Variants in ABHD2 observed in about 807,000 individuals in gnomAD.
ABHD2 encodes the protein abhydrolase domain containing 2, acylglycerol lipase, also known as monoacylglycerol lipase ABHD2.
ABHD2 carries 20 observed loss-of-function variants against 48.1 expected under a neutral mutation model. The observed-to-expected ratio is 0.42, with a 90% CI of 0.29 to 0.60. The LOEUF (loss-of-function observed/expected upper bound fraction) is 0.60, where lower values mean the gene tolerates loss of function less well. ABHD2 is among the 20% of genes least tolerant of loss of function. The pLI is 0.24. For missense variants in ABHD2, 405 were observed against 550.9 expected, an observed-to-expected ratio of 0.74 and a Z score of 2.65; for synonymous variants, 209 against 214.2, an observed-to-expected ratio of 0.98 and a Z score of 0.21.
chr15:89,192,559 G>C (rs2051325196), intron 9 of ABHD2, among the ~76,000 whole-genome samples: 1 of 150,832 alleles, frequency 6.6e-6, no homozygotes, highest in Non-Finnish European at 1.5e-5. Flanking sequence ...TCCCAGGCTA[G>C]AGTGCGGTGG....
intron 5 of ABHD2, among the ~76,000 whole-genome samples, chr15:89,163,825 T>C (rs577362258): frequency 6.6e-5 from 10 of 152,332 alleles, no homozygotes; most frequent in Non-Finnish European, 1.0e-4. Flanking sequence ...ACACCCCTTT[T>C]ACAGGTGAGG....
intron 3 of ABHD2, chr15:89,135,960 TTTG>T: frequency 2.5e-6 from 1 of 404,496 alleles, no homozygotes; most frequent in Non-Finnish European, 4.6e-6. Context: ...GAGTTTCCCT[TTTG>T]TTGCCCAGGC....
At chr15:89,119,417 G>A (rs1336036384) in intron 3 of ABHD2, among the ~76,000 whole-genome samples, 2 of 152,172 alleles carry the variant, frequency 1.3e-5, no homozygotes, top group African/African-American at 4.8e-5. Flanking sequence ...CTGTGTTCAT[G>A]TCTCATATCA....
In ABHD2 at chr15:89,200,066, C is replaced by T. The variant is rs1217701950; in HGVS notation, c.*4643C>T. 6.6e-6 allele frequency: 1 copy of T among 152,250 alleles called. No homozygotes were observed. The highest frequency in any genetic ancestry group is 2.4e-5 in the African/African-American group (1 of 41,420). The allele number at this position is 152,250 out of a possible 1,614,324, so 9.4% of individuals were successfully genotyped here. A position where few individuals can be genotyped will look rare whatever the true frequency, so the allele number is the denominator to read the frequency against. On this transcript the variant is annotated 3_prime_UTR_variant, in exon 11 of 11. Transcript: ENST00000352732. ...GCTGCTCCTTTTGGAAGAGTCAGTCCCCTGTGTTTTCTGAACTGTTTTTCC... is the reference window on the plus strand; with the variant it reads ...GCTGCTCCTTTTGGAAGAGTCAGTCTCCTGTGTTTTCTGAACTGTTTTTCC...
chr15:89,057,237 G>C, the ABHD2 span, among the ~76,000 whole-genome samples: 3 of 152,176 alleles, frequency 2.0e-5, no homozygotes, highest in East Asian at 5.8e-4. Flanking sequence ...TTTTAAAAGT[G>C]TTAAGTGAAA....
Position 89,164,614 on chromosome 15 carries a change from C to T in ABHD2, c.538+9080C>T, listed in dbSNP as rs1319663007. 1.3e-5 allele frequency among the ~76,000 whole-genome samples: 2 copies of T among 151,800 alleles called. No individual in the cohort carries two copies. The highest frequency in any genetic ancestry group is 2.1e-4 in the South Asian group (1 of 4,812). ...CCAGCCTGATAGAACATGGTGAAAC[C>T]TCATCTCTACTAAAAATGAAAAAAG... On this transcript the variant is annotated intron_variant, in intron 5 of 10. Coordinates refer to ENST00000352732, the MANE Select transcript of ABHD2 (RefSeq NM_152924.5). This position sits in a 1 kb window ranked among gnomAD's most constrained non-coding sequence, Gnocchi z 5.0.
At chr15:89,128,383 C>T (rs915457088) in intron 3 of ABHD2, among the ~76,000 whole-genome samples, 2 of 152,202 alleles carry the variant, frequency 1.3e-5, no homozygotes, top group Admixed American at 6.5e-5. Flanking sequence ...TTCACCCATC[C>T]ACCTTTGTCC....
At position 89,195,386 on chromosome 15, in the gene ABHD2, G is replaced by T; in HGVS notation, c.1241G>T (p.Cys414Phe). 2 of 1,614,134 alleles carry T rather than the reference G, an allele frequency of 1.2e-6. No individual in the cohort carries two copies. The highest frequency in any genetic ancestry group is 1.7e-6 in the Non-Finnish European group (2 of 1,180,030). The change falls in exon 11 of 11, where the codon TGC (cysteine) becomes TTC (phenylalanine). Residue 414 changes from cysteine (C) to phenylalanine (F), a missense_variant. By Grantham distance (205) the Cys-to-Phe change is radical. Coordinates refer to ENST00000352732, the MANE Select transcript of ABHD2 (RefSeq NM_152924.5). The surrounding 1 kb of genome is among the most constrained non-coding windows in gnomAD (Gnocchi z 5.1). ...ICQWERNKLQ[C>F]SDTEQVEADL... is the part of the protein sequence containing the mutation. ...CAATGGGAGCGTAACAAGTTGCAGT[G>T]CTCTGACACGGAGCAGGTGGAGGCC... is the stretch of plus-strand genomic sequence containing the variant.
At chr15:89,193,014 C>T (rs563052838) in intron 9 of ABHD2, among the ~76,000 whole-genome samples, 10 of 152,320 alleles carry the variant, frequency 6.6e-5, no homozygotes, top group African/African-American at 2.2e-4. Context: ...AAGCTTTCTT[C>T]TACACACTCC....
intron 6 of ABHD2, chr15:89,183,367 T>G (rs1391341579): frequency 4.1e-5 from 1 of 24,166 alleles, no homozygotes; most frequent in Non-Finnish European, 8.2e-5. Flanking sequence ...TCAGTCCTTT[T>G]CAAAAAAAAA....
chr15:89,073,850 C>T, the ABHD2 span, among the ~76,000 whole-genome samples: 67,138 of 151,960 alleles, frequency 0.44, 17,095 homozygotes, highest in Non-Finnish European at 0.58. Flanking sequence ...CTTATTAAAC[C>T]GCATTGCTGG....
intron 3 of ABHD2, among the ~76,000 whole-genome samples, chr15:89,128,486 G>A (rs1366587168): frequency 6.6e-6 from 1 of 152,208 alleles, no homozygotes; most frequent in African/African-American, 2.4e-5. Context: ...TCAATGCTTT[G>A]CCGTCACCAC....
rs2092652788 is a variant in ABHD2, at chr15:89,120,141, C to G, written c.194+3620C>G. Among the ~76,000 whole-genome samples the G allele has an allele frequency of 6.6e-6, 1 of 152,116 alleles. No homozygotes were observed. The highest frequency in any genetic ancestry group is 1.5e-5 in the Non-Finnish European group (1 of 68,024). On this transcript the variant is annotated intron_variant, in intron 3 of 10. Transcript: ENST00000352732. The surrounding 1 kb of genome is among the most constrained non-coding windows in gnomAD (Gnocchi z 4.2). ...TCGAGGAGCAGGGATTACTGTTTTC[C>G]CCCTCAGCATTAAAGTCAATTTGAA...
chr15:89,131,677 T>A (rs920426705), intron 3 of ABHD2, among the ~76,000 whole-genome samples: 7 of 152,150 alleles, frequency 4.6e-5, no homozygotes, highest in African/African-American at 1.4e-4. Flanking sequence ...AAATAAAAAA[T>A]TTCACAAAAA....
Position 89,155,258 on chromosome 15 carries a change from T to A in ABHD2, c.371-109T>A. The A allele has an allele frequency of 4.1e-6, 5 of 1,216,716 alleles. No individual in the cohort carries two copies. Among genetic ancestry groups the A allele is most frequent in the Non-Finnish European group, 5.8e-6 (5 of 857,918 alleles). The allele number at this position is 1,216,716 out of a possible 1,614,324, so 75.4% of individuals were successfully genotyped here. Reference sequence around the variant, plus strand: ...CTTCCCCAGAGAACTGAGTGAAAGATGTATGTTGAATTCCCTCCCCTTGTT... The same window carrying A: ...CTTCCCCAGAGAACTGAGTGAAAGAAGTATGTTGAATTCCCTCCCCTTGTT... On this transcript the variant is annotated intron_variant, in intron 4 of 10. Coordinates refer to ENST00000352732, the MANE Select transcript of ABHD2 (RefSeq NM_152924.5). The surrounding 1 kb of genome is among the most constrained non-coding windows in gnomAD (Gnocchi z 4.9).
chr15:89,062,507 T>C, the ABHD2 span, among the ~76,000 whole-genome samples: 2 of 152,060 alleles, frequency 1.3e-5, no homozygotes, highest in Admixed American at 1.3e-4. Context: ...TAACTCCACT[T>C]CAGCCTCCTG....
intron 3 of ABHD2, among the ~76,000 whole-genome samples, chr15:89,119,416 T>C (rs2050013014): frequency 6.6e-6 from 1 of 152,262 alleles, no homozygotes; most frequent in Non-Finnish European, 1.5e-5. Flanking sequence ...CCTGTGTTCA[T>C]GTCTCATATC....
At position 89,175,537 on chromosome 15, in the gene ABHD2, G is replaced by A. The variant is rs1369846183; in HGVS notation, c.539-275G>A. On this transcript the variant is annotated intron_variant, in intron 5 of 10. Transcript: ENST00000352732. The surrounding 1 kb of genome is among the most constrained non-coding windows in gnomAD (Gnocchi z 5.7). ...TGTGACCTACCTTTTAAGAAGCATT[G>A]TACATTTGATACATGGTACCTCCAC... Among the ~76,000 whole-genome samples the A allele has an allele frequency of 6.6e-6, 1 of 152,128 alleles. No homozygotes were observed. Among genetic ancestry groups the A allele is most frequent in the Non-Finnish European group, 1.5e-5 (1 of 68,020 alleles).
At chr15:89,069,128 T>TC in the ABHD2 span, among the ~76,000 whole-genome samples, 1 of 145,870 alleles carries the variant, frequency 6.9e-6, no homozygotes, top group African/African-American at 2.5e-5. Flanking sequence ...TTTTCTTTTT[T>TC]TTTTTTTTTT....
Sources: allele counts gnomAD v4.1 joint callset (sites outside exome capture counted in the v4.1 genomes callset), GRCh38; gene constraint gnomAD v4.1.1; non-coding constraint Gnocchi (gnomAD v3.1); transcripts MANE v1.5; gene names NCBI Gene and HGNC (gene_info 2026-07-23, HGNC 2026-07-21).